Variants in HSH2D observed in about 807,000 individuals in gnomAD.
HSH2D encodes hematopoietic SH2 domain-containing protein.
HSH2D carries 16 observed loss-of-function variants against 21.5 expected under a neutral mutation model. That is an observed-to-expected ratio of 0.74 (90% CI 0.50 to 1.13). HSH2D has a LOEUF of 1.13. Ranked by LOEUF, HSH2D falls within the 50% of genes most tolerant of loss-of-function variation. The probability of loss-of-function intolerance (pLI) is 0.00; values close to 1 mark genes in which losing one functional copy is unlikely to be tolerated. For missense variants in HSH2D, 418 were observed against 441.4 expected, an observed-to-expected ratio of 0.95 and a Z score of 0.47; for synonymous variants, 172 against 184.7, an observed-to-expected ratio of 0.93 and a Z score of 0.56.
At chr19:16,137,826 C>T (rs1182155988) in intron 1 of HSH2D, among the ~76,000 whole-genome samples, 1 of 152,222 alleles carries the variant, frequency 6.6e-6, no homozygotes, top group African/African-American at 2.4e-5. Context: ...CCTCCCACCT[C>T]AGCCTCCCAA....
At chr19:16,138,418 ATAC>A (rs1483805474) in intron 1 of HSH2D, among the ~76,000 whole-genome samples, 8 of 152,192 alleles carry the variant, frequency 5.3e-5, no homozygotes, top group African/African-American at 1.9e-4. Context: ...TGCCTCAGAC[ATAC>A]CAAGTTCTTT....
Position 16,152,000 on chromosome 19 carries a change from A to G in HSH2D, c.126-552A>G, listed in dbSNP as rs369527426. Among the ~76,000 whole-genome samples, 370 of 149,114 alleles carry G rather than the reference A, an allele frequency of 2.5e-3. 1 individual carries two copies. Among genetic ancestry groups the G allele is most frequent in the African/African-American group, 8.8e-3 (358 of 40,622 alleles). On this transcript the variant is annotated intron_variant, in intron 2 of 5. Transcript: ENST00000613986. ...CGGGCGCCTGTAATCCCCGCTACTCAGGAGGCTGAGGCAAGAGAATCACCT... is the reference window on the plus strand; with the variant it reads ...CGGGCGCCTGTAATCCCCGCTACTCGGGAGGCTGAGGCAAGAGAATCACCT...
At chr19:16,153,018 C>A in intron 3 of HSH2D, 25 bp from the exon 4 acceptor site, 1 of 1,601,302 alleles carries the variant, frequency 6.2e-7, no homozygotes. Context: ...AGTAGGATGT[C>A]CCAGCCCCCG....
At chr19:16,151,654 G>C in intron 2 of HSH2D, 1 of 455,038 alleles carries the variant, frequency 2.2e-6, no homozygotes, top group Non-Finnish European at 4.4e-6. Flanking sequence ...ATTGGGAAGG[G>C]GCTGTGGGAG....
rs1242270123 is a variant in HSH2D, at chr19:16,154,465, G to T, written c.448G>T (p.Ala150Ser). Residue 150 changes from alanine (A) to serine (S), a missense_variant, in exon 5 of 6, where the codon GCC becomes TCC. Physicochemically the swap from Ala to Ser is moderately conservative, Grantham distance 99 (BLOSUM62 1). Transcript: ENST00000613986. ...CTCCAACGCAGTGGCCGAGGAAGCTGCCTGCCCGGTGTCTGCCCCTGAGGA... is the reference window on the plus strand; with the variant it reads ...CTCCAACGCAGTGGCCGAGGAAGCTTCCTGCCCGGTGTCTGCCCCTGAGGA... ...LYSNAVAEEA[A>S]CPVSAPEEAS... 6.4e-7 allele frequency: 1 copy of T among 1,552,580 alleles called. No individual in the cohort carries two copies. The highest frequency in any genetic ancestry group is 1.4e-5 in the African/African-American group (1 of 73,216).
upstream of HSH2D, chr19:16,139,785 G>A (rs8102236): frequency 0.78 from 118,204 of 152,026 alleles, 47,076 homozygotes; most frequent in African/African-American, 0.94. Flanking sequence ...GGAGAACCTG[G>A]TATCAGAGAG....
chr19:16,135,032 G>T (rs1445159732), intron 1 of HSH2D, among the ~76,000 whole-genome samples: 1 of 150,482 alleles, frequency 6.6e-6, no homozygotes, highest in Non-Finnish European at 1.5e-5. Context: ...ACTTTGGGAG[G>T]CCGAGGTGGG....
chr19:16,141,477 G>A (rs538543511), upstream of HSH2D, among the ~76,000 whole-genome samples: 42 of 152,314 alleles, frequency 2.8e-4, no homozygotes, highest in African/African-American at 1.0e-3. Flanking sequence ...AGGCACACAG[G>A]GCCTGCACCC....
At chr19:16,154,539 G>A (rs2091213693) in intron 5 of HSH2D, 48 bp downstream of exon 5, 2 of 1,217,446 alleles carry the variant, frequency 1.6e-6, no homozygotes, top group South Asian at 1.3e-5. Flanking sequence ...CTGAGGGGCA[G>A]GAGTGGAGGT....
At chr19:16,153,773 G>A (rs2091198250) in intron 4 of HSH2D, among the ~76,000 whole-genome samples, 1 of 151,538 alleles carries the variant, frequency 6.6e-6, no homozygotes, top group African/African-American at 2.4e-5. Flanking sequence ...TCCTTAGAAG[G>A]CCCAGTGGGC....
intron 5 of HSH2D, among the ~76,000 whole-genome samples, chr19:16,155,112 T>C (rs1401165308): frequency 2.0e-5 from 3 of 151,800 alleles, no homozygotes; most frequent in Admixed American, 2.0e-4. Flanking sequence ...ATCTGTGGAG[T>C]AGATGAATGA....
Position 16,137,279 on chromosome 19 carries a change from T to C in HSH2D, c.-324+3044T>C, listed in dbSNP as rs550939554. ...AGCACAGAGACAGAATAGGCTGATATCAGCATCATCACTGTCCTCATCACT... is the reference window on the plus strand; with the variant it reads ...AGCACAGAGACAGAATAGGCTGATACCAGCATCATCACTGTCCTCATCACT... On this transcript the variant is annotated intron_variant, in intron 1 of 7. Transcript: ENST00000616645. Among the ~76,000 whole-genome samples, 161 of 152,194 alleles carry C rather than the reference T, an allele frequency of 1.1e-3. No homozygotes were observed. The Middle Eastern group carries it at 0.014, about 13-fold the overall frequency.
In HSH2D at chr19:16,136,214, G is replaced by A. The variant is rs187433112; in HGVS notation, c.-324+1979G>A. Among the ~76,000 whole-genome samples the A allele has an allele frequency of 5.1e-3, 780 of 152,280 alleles. 11 individuals carry two copies. Among genetic ancestry groups the A allele is most frequent in the African/African-American group, 0.018 (731 of 41,558 alleles). The stretch of plus-strand genomic sequence containing the variant: ...AAACTCAAAAGTCACCCCCTGCCAC[G>A]GATGCCTGATAAATGGCCACTTTGG... On this transcript the variant is annotated intron_variant, in intron 1 of 7. Coordinates refer to the HSH2D transcript ENST00000616645.
upstream of HSH2D, chr19:16,143,684 C>T (rs1231513473): frequency 2.3e-6 from 1 of 443,138 alleles, no homozygotes; most frequent in South Asian, 1.6e-5. Context: ...AGCCCCGCCC[C>T]ATTGACGTGC....
chr19:16,142,520 G>C (rs570926258), upstream of HSH2D, among the ~76,000 whole-genome samples: 1 of 152,148 alleles, frequency 6.6e-6, no homozygotes, highest in South Asian at 2.1e-4. Context: ...CTGGAGTGCA[G>C]TGGTGAGATC....
chr19:16,147,185 T>C (rs939747075), intron 1 of HSH2D, among the ~76,000 whole-genome samples: 2 of 152,180 alleles, frequency 1.3e-5, no homozygotes, highest in African/African-American at 4.8e-5. Context: ...TTCTAGTCCT[T>C]GCAATAATGG....
At chr19:16,135,773 C>A (rs1441024312) in intron 1 of HSH2D, among the ~76,000 whole-genome samples, 1 of 152,212 alleles carries the variant, frequency 6.6e-6, no homozygotes, top group Non-Finnish European at 1.5e-5. Flanking sequence ...CCTAGCTCAT[C>A]TTCATAGCAT....
intron 2 of HSH2D, among the ~76,000 whole-genome samples, chr19:16,149,829 C>T (rs2091125303): frequency 6.6e-6 from 1 of 151,902 alleles, no homozygotes; most frequent in Non-Finnish European, 1.5e-5. Flanking sequence ...GATCTGCCGG[C>T]CTCGGCCTCC....
intron 3 of HSH2D, 37 bp downstream of exon 3, chr19:16,152,678 G>A (rs747224696): frequency 1.3e-6 from 2 of 1,483,182 alleles, no homozygotes; most frequent in South Asian, 2.5e-5. Flanking sequence ...AGGGGCAGGT[G>A]GGCTCTTGGG....
Sources: allele counts gnomAD v4.1 joint callset (sites outside exome capture counted in the v4.1 genomes callset), GRCh38; gene constraint gnomAD v4.1.1; transcripts MANE v1.5; gene names NCBI Gene and HGNC (gene_info 2026-07-23, HGNC 2026-07-21).